CDK19: variants seen among roughly 807,000 people sequenced by gnomAD.
CDK19 encodes cyclin dependent kinase 19.
CDK19 carries 20 observed loss-of-function variants against 68.3 expected under a neutral mutation model. The observed-to-expected ratio is 0.29, with a 90% CI of 0.21 to 0.43. The LOEUF is 0.43. CDK19 is among the 20% of genes least tolerant of loss of function. The pLI is 1.00. For missense variants in CDK19, 339 were observed against 623.5 expected (o/e 0.54, Z 4.86); for synonymous variants, 221 against 222.8 (o/e 0.99, Z 0.07).
At chr6:110,772,239 C>T (rs1047819637) in intron 1 of CDK19, among the ~76,000 whole-genome samples, 1 of 152,096 alleles carries the variant, frequency 6.6e-6, no homozygotes, top group African/African-American at 2.4e-5. Flanking sequence ...CTCAGTATTA[C>T]AGCGGGAGGC....
chr6:110,671,622 T>C (rs1428641194), intron 2 of CDK19, among the ~76,000 whole-genome samples: 1 of 152,236 alleles, frequency 6.6e-6, no homozygotes, highest in African/African-American at 2.4e-5. Flanking sequence ...GAGAAGGGGT[T>C]TGGACTTAAA....
chr6:110,627,137 C>T lies in CDK19; in HGVS notation c.655G>A (p.Ala219Thr). ...RHYTKAIDIW[A>T]IGCIFAELLT... Reference sequence around the variant, plus strand: ...AATTCAGCAAATATACAACCTATTGCCCATATATCTGGGAAGGAAGAAACA... The same window carrying T: ...AATTCAGCAAATATACAACCTATTGTCCATATATCTGGGAAGGAAGAAACA... Residue 219 changes from alanine (A) to threonine (T), a missense_variant, in exon 7 of 13, where the codon GCA (alanine) becomes ACA (threonine). Physicochemically the swap from Ala to Thr is moderately conservative, Grantham distance 58 (BLOSUM62 0). Transcript: ENST00000368911. The T allele has an allele frequency of 6.2e-7, 1 of 1,605,412 alleles. No individual in the cohort carries two copies. Among genetic ancestry groups the T allele is most frequent in the Non-Finnish European group, 8.5e-7 (1 of 1,175,314 alleles).
intron 1 of CDK19, among the ~76,000 whole-genome samples, chr6:110,803,166 G>A (rs1022572922): frequency 6.6e-6 from 1 of 151,824 alleles, no homozygotes; most frequent in Admixed American, 6.6e-5. Context: ...TGCAACCTCC[G>A]CCTCCCAGGT....
At chr6:110,743,263 A>G (rs1022041165) in intron 2 of CDK19, among the ~76,000 whole-genome samples, 5 of 152,208 alleles carry the variant, frequency 3.3e-5, no homozygotes, top group Non-Finnish European at 7.3e-5. Context: ...TGTTGGGGTT[A>G]AGTATTTAGA....
At chr6:110,738,023 T>C (rs939963240) in intron 2 of CDK19, among the ~76,000 whole-genome samples, 2 of 152,156 alleles carry the variant, frequency 1.3e-5, no homozygotes, top group Non-Finnish European at 1.5e-5. Flanking sequence ...CAGAACATCA[T>C]GTTAAAAGTC....
chr6:110,777,036 TCAC>T (rs1215190028), intron 1 of CDK19, among the ~76,000 whole-genome samples: 1 of 152,224 alleles, frequency 6.6e-6, no homozygotes, highest in Non-Finnish European at 1.5e-5. Context: ...ATGTTCTTCG[TCAC>T]CACATCATCC....
chr6:110,785,241 T>A (rs34954939), intron 1 of CDK19, among the ~76,000 whole-genome samples: 13,677 of 152,116 alleles, frequency 0.09, 777 homozygotes, highest in Middle Eastern at 0.13. Flanking sequence ...TCATTAGAGA[T>A]CATTGCTTGC....
intron 1 of CDK19, among the ~76,000 whole-genome samples, chr6:110,761,767 T>C (rs553397099): frequency 1.5e-4 from 23 of 152,326 alleles, no homozygotes; most frequent in African/African-American, 5.5e-4. Context: ...TTATTTTACT[T>C]TACTTTTGTC....
intron 1 of CDK19, among the ~76,000 whole-genome samples, chr6:110,768,606 A>G (rs932954100): frequency 1.3e-5 from 2 of 152,204 alleles, no homozygotes; most frequent in African/African-American, 4.8e-5. Context: ...TCAAATGCAT[A>G]TTACAAAGTG....
chr6:110,707,040 G>A (rs1034920175), intron 2 of CDK19, among the ~76,000 whole-genome samples: 2 of 150,272 alleles, frequency 1.3e-5, no homozygotes, highest in Non-Finnish European at 3.0e-5. Flanking sequence ...GCCGGGCACG[G>A]TGGCTCACAC....
chr6:110,739,339 A>T (rs533112887), intron 2 of CDK19, among the ~76,000 whole-genome samples: 1 of 152,296 alleles, frequency 6.6e-6, no homozygotes, highest in South Asian at 2.1e-4. Flanking sequence ...ACAGCCGTCC[A>T]TCTGTGAACT....
Position 110,734,520 on chromosome 6 carries a change from G to GCTCGCTCTCTCTCTCTCTCT in CDK19, c.204+11605_204+11606insAGAGAGAGAGAGAGAGCGAG, listed in dbSNP as rs991736850. On this transcript the variant is annotated intron_variant, in intron 2 of 12. Transcript: ENST00000368911. ...TGATAAAACTAAGAGGGTGAGCACT[G>GCTCGCTCTCTCTCTCTCTCT]CTCTCTCTCTCTCTCTCTCTCTCTC... Among the ~76,000 whole-genome samples the GCTCGCTCTCTCTCTCTCTCT allele has an allele frequency of 1.4e-3, 122 of 85,784 alleles. 1 individual carries two copies. The highest frequency in any genetic ancestry group is 2.4e-3 in the Non-Finnish European group (101 of 42,850). 56.3% of individuals were successfully genotyped at this position (85,784 alleles called of 152,430 possible). A position where few individuals can be genotyped will look rare whatever the true frequency, so the allele number is the denominator to read the frequency against.
intron 2 of CDK19, among the ~76,000 whole-genome samples, chr6:110,688,456 G>A (rs1772695073): frequency 6.6e-6 from 1 of 152,020 alleles, no homozygotes; most frequent in African/African-American, 2.4e-5. Flanking sequence ...CTCACTCTGG[G>A]AACTTTTTTC....
intron 6 of CDK19, among the ~76,000 whole-genome samples, chr6:110,629,550 T>G (rs1247279484): frequency 6.6e-6 from 1 of 152,180 alleles, no homozygotes; most frequent in Non-Finnish European, 1.5e-5. Flanking sequence ...AGACGGGGAT[T>G]CACCATGTTG....
chr6:110,769,355 C>T (rs532192876), intron 1 of CDK19, among the ~76,000 whole-genome samples: 4 of 149,638 alleles, frequency 2.7e-5, no homozygotes, highest in Admixed American at 6.7e-5. Flanking sequence ...ATCTGAGGTC[C>T]GGAGTTCGAG....
chr6:110,735,604 G>C (rs1267382525), intron 2 of CDK19, among the ~76,000 whole-genome samples: 1 of 152,018 alleles, frequency 6.6e-6, no homozygotes, highest in Non-Finnish European at 1.5e-5. Flanking sequence ...GTTGCTTATG[G>C]GATTAATAAT....
intron 12 of CDK19, among the ~76,000 whole-genome samples, chr6:110,616,569 G>A (rs1478932821): frequency 3.3e-5 from 5 of 151,988 alleles, no homozygotes; most frequent in Non-Finnish European, 7.4e-5. Context: ...TCGGGAGGCT[G>A]AGGCAGGAGA....
intron 1 of CDK19, among the ~76,000 whole-genome samples, chr6:110,785,688 AATACATCAT>A: frequency 6.6e-6 from 1 of 152,150 alleles, no homozygotes; most frequent in East Asian, 1.9e-4. Flanking sequence ...ACTTTATAGA[AATACATCAT>A]AGGCCGGGCG....
chr6:110,631,849 A>G (rs1779459479), intron 6 of CDK19, among the ~76,000 whole-genome samples, 181 bp downstream of exon 6: 2 of 152,250 alleles, frequency 1.3e-5, no homozygotes, highest in African/African-American at 4.8e-5. Flanking sequence ...TTCTTTTAAA[A>G]TAACCATATT....
Sources: gnomAD v4.1 joint callset for allele counts (sites outside exome capture counted in the v4.1 genomes callset) on GRCh38, gnomAD v4.1.1 for gene constraint, MANE v1.5 for transcripts, NCBI Gene and HGNC (gene_info 2026-07-23, HGNC 2026-07-21) for gene names.